ZNF33B: variants seen among roughly 807,000 people sequenced by gnomAD.
ZNF33B encodes the protein zinc finger protein 11b (KOX 2).
A neutral mutation model predicts 45.8 loss-of-function variants in ZNF33B; 29 were observed. The observed-to-expected ratio is 0.63, with a 90% CI of 0.47 to 0.86. The LOEUF is 0.86. Ranked by LOEUF, ZNF33B falls within the 40% of genes least tolerant of loss-of-function variation. The pLI, the probability that ZNF33B is intolerant of heterozygous loss-of-function variation, is 0.00. For missense variants in ZNF33B, 831 were observed against 909.9 expected (o/e 0.91, Z 1.12); for synonymous variants, 305 against 307.8 (o/e 0.99, Z 0.10).
At chr10:42,631,174 T>C (rs1172818547) in intron 4 of ZNF33B, among the ~76,000 whole-genome samples, 2 of 152,268 alleles carry the variant, frequency 1.3e-5, no homozygotes, top group Non-Finnish European at 2.9e-5. Flanking sequence ...ATACATAATA[T>C]ACTTAGAGAC....
intron 3 of ZNF33B, 64 bp downstream of exon 3, chr10:42,632,231 C>A: frequency 6.4e-7 from 1 of 1,567,420 alleles, no homozygotes; most frequent in African/African-American, 1.4e-5. Context: ...AGACAGACTG[C>A]CTATATGTTT....
At chr10:42,636,454 C>T (rs1839303644) in intron 2 of ZNF33B, among the ~76,000 whole-genome samples, 1 of 152,178 alleles carries the variant, frequency 6.6e-6, no homozygotes. Flanking sequence ...TCTAACTTGG[C>T]CCTGCTATTG....
At chr10:42,583,727 T>A (rs980554528) in intron 1 of ZNF33B, among the ~76,000 whole-genome samples, 1 of 152,028 alleles carries the variant, frequency 6.6e-6, no homozygotes, top group Non-Finnish European at 1.5e-5. Flanking sequence ...GTGCAATACT[T>A]CCCTTAACTC....
intron 4 of ZNF33B, among the ~76,000 whole-genome samples, chr10:42,618,198 C>T (rs1396553974): frequency 6.6e-6 from 1 of 152,158 alleles, no homozygotes; most frequent in Non-Finnish European, 1.5e-5. Flanking sequence ...CCAGAACAAA[C>T]ATGTAAATTT....
Position 42,636,955 on chromosome 10 carries a change from A to C in ZNF33B, c.-27T>G, listed in dbSNP as rs771956872. 1.2e-5 allele frequency: 20 copies of C among 1,614,176 alleles called. No homozygotes were observed. The highest frequency in any genetic ancestry group is 1.7e-5 in the Non-Finnish European group (20 of 1,180,016). ...TTGTTCTGTTCTTGGAAAGACGGAGACAACTCTGAAGATACAGCTGAGTTG... is the reference window on the plus strand; with the variant it reads ...TTGTTCTGTTCTTGGAAAGACGGAGCCAACTCTGAAGATACAGCTGAGTTG... On this transcript the variant is annotated 5_prime_UTR_variant, in exon 2 of 5. Coordinates refer to ENST00000359467, the MANE Select transcript of ZNF33B (RefSeq NM_006955.3).
chr10:42,583,242 A>T, intron 1 of ZNF33B: 1 of 638,966 alleles, frequency 1.6e-6, no homozygotes, highest in Non-Finnish European at 2.9e-6. Context: ...TAACCAAAGG[A>T]GGGAGACAAA....
chr10:42,609,719 A>T lies in ZNF33B; in HGVS notation c.251-15020T>A, dbSNP rs541738084. 2.6e-5 allele frequency among the ~76,000 whole-genome samples: 4 copies of T among 152,326 alleles called. No individual in the cohort carries two copies. In the South Asian group the frequency reaches 8.3e-4, roughly 32 times the overall value. ...TATATAAAAAGGATTACATACAATG[A>T]TCAAAGGGGATTTATACTAGTAAGG... On this transcript the variant is annotated intron_variant, in intron 4 of 4. Coordinates refer to ENST00000359467, the MANE Select transcript of ZNF33B (RefSeq NM_006955.3).
intron 2 of ZNF33B, among the ~76,000 whole-genome samples, chr10:42,635,480 A>G (rs73266651): frequency 0.023 from 3,496 of 152,224 alleles, 92 homozygotes; most frequent in Middle Eastern, 0.071. Flanking sequence ...ATTAAGTTCT[A>G]TATTTAAAAT....
At chr10:42,626,146 T>C (rs1374096482) in intron 4 of ZNF33B, among the ~76,000 whole-genome samples, 2 of 152,260 alleles carry the variant, frequency 1.3e-5, no homozygotes, top group Non-Finnish European at 2.9e-5. Context: ...ATATCATTTT[T>C]CTTCTTTAGC....
At chr10:42,637,201 G>C (rs973753916) in intron 1 of ZNF33B, among the ~76,000 whole-genome samples, 5 of 152,196 alleles carry the variant, frequency 3.3e-5, no homozygotes, top group African/African-American at 9.6e-5. Flanking sequence ...TTCATCAGGT[G>C]AAAGTAAATA....
At chr10:42,625,933 G>A (rs549420290) in intron 4 of ZNF33B, among the ~76,000 whole-genome samples, 24 of 152,326 alleles carry the variant, frequency 1.6e-4, no homozygotes, top group Admixed American at 1.2e-3. Context: ...ATGAATAAGA[G>A]TGGTGAGAGC....
chr10:42,576,146 C>G (rs1019025970), intron 1 of ZNF33B, among the ~76,000 whole-genome samples: 1 of 151,960 alleles, frequency 6.6e-6, no homozygotes, highest in Non-Finnish European at 1.5e-5. Context: ...CCGCCTTGGC[C>G]TCCCAATAAT....
rs527494530 is a variant in ZNF33B, at chr10:42,636,693, G to A, written c.9+227C>T. 1.6e-5 allele frequency: 9 copies of A among 572,162 alleles called. No homozygotes were observed. The Middle Eastern group carries it at 1.3e-3, about 84-fold the overall frequency. 35.4% of individuals were successfully genotyped at this position (572,162 alleles called of 1,614,324 possible). A position where few individuals can be genotyped will look rare whatever the true frequency, so the allele number is the denominator to read the frequency against. On this transcript the variant is annotated intron_variant, in intron 2 of 4. Coordinates refer to ENST00000359467, the MANE Select transcript of ZNF33B (RefSeq NM_006955.3). ...AAATTAGCCAGGCGTGGCGGCCTGC[G>A]CCTGTAGTCCCAGCCAATCGGGAGG...
At chr10:42,588,889 T>A (rs761995777), downstream of ZNF33B, among the ~76,000 whole-genome samples, 1 of 152,170 alleles carries the variant, frequency 6.6e-6, no homozygotes, top group Non-Finnish European at 1.5e-5. Flanking sequence ...AGAGTGGGGA[T>A]GGAAACGAGT....
At chr10:42,583,281 G>A in intron 1 of ZNF33B, 1 of 504,200 alleles carries the variant, frequency 2.0e-6, no homozygotes, top group South Asian at 2.1e-5. Flanking sequence ...CCACAGACAG[G>A]TGTCCTCCTT....
Position 42,593,408 on chromosome 10 carries a change from C to G in ZNF33B, c.1542G>C (p.Arg514Ser). The G allele has an allele frequency of 1.2e-6, 2 of 1,613,730 alleles. No homozygotes were observed. Among genetic ancestry groups the G allele is most frequent in the South Asian group, 1.1e-5 (1 of 91,068 alleles). Reference protein sequence around the residue: ...KTFYHKSVLTRHQIIHTGLKP... With the variant: ...KTFYHKSVLTSHQIIHTGLKP... The stretch of plus-strand genomic sequence containing the variant: ...TCAACCCTGTATGAATTATCTGATG[C>G]CTGGTGAGTACTGACTTGTGGTAGA... Residue 514 changes from arginine (R) to serine (S), a missense_variant, in exon 5 of 5, where the codon AGG (arginine) becomes AGC (serine). Arg to Ser is a moderately radical substitution (Grantham distance 110, BLOSUM62 -1). Coordinates refer to ENST00000359467, the MANE Select transcript of ZNF33B (RefSeq NM_006955.3).
chr10:42,619,554 C>T (rs949403630), intron 4 of ZNF33B, among the ~76,000 whole-genome samples: 1 of 152,182 alleles, frequency 6.6e-6, no homozygotes, highest in African/African-American at 2.4e-5. Flanking sequence ...AAAATAAAGA[C>T]TTCCAATAAA....
rs1837084418 is a variant in ZNF33B, at chr10:42,590,646, C to A, written c.*1967G>T. ...GATATATATGCCTACTGAGATCTACCTTTTATGAGCTTTGAGAGAATGCAT... is the reference window on the plus strand; with the variant it reads ...GATATATATGCCTACTGAGATCTACATTTTATGAGCTTTGAGAGAATGCAT... On this transcript the variant is annotated 3_prime_UTR_variant, in exon 5 of 5. Transcript: ENST00000359467. 1 of 152,120 alleles carries A rather than the reference C, an allele frequency of 6.6e-6. No homozygotes were observed. Among genetic ancestry groups the A allele is most frequent in the African/African-American group, 2.4e-5 (1 of 41,434 alleles). 9.4% of individuals were successfully genotyped at this position (152,120 alleles called of 1,614,324 possible).
chr10:42,578,133 T>C (rs1321579325), intron 1 of ZNF33B, among the ~76,000 whole-genome samples: 7 of 152,180 alleles, frequency 4.6e-5, no homozygotes, highest in African/African-American at 7.2e-5. Context: ...GGCTAGCAGC[T>C]GAGTCCTCCC....
Sources: gnomAD v4.1 joint callset for allele counts (sites outside exome capture counted in the v4.1 genomes callset) on GRCh38, gnomAD v4.1.1 for gene constraint, MANE v1.5 for transcripts, NCBI Gene and HGNC (gene_info 2026-07-23, HGNC 2026-07-21) for gene names.